MAOB: variants seen among roughly 807,000 people sequenced by gnomAD.
MAOB encodes the protein amine oxidase [flavin-containing] B.
MAOB carries 15 observed loss-of-function variants against 41.9 expected under a neutral mutation model. The ratio of observed to expected loss-of-function variants is 0.36; its 90% CI spans 0.24 to 0.55. MAOB has a LOEUF of 0.55. Ranked by LOEUF, MAOB falls within the 20% of genes least tolerant of loss-of-function variation. The probability of loss-of-function intolerance (pLI) is 0.86; values close to 1 mark genes in which losing one functional copy is unlikely to be tolerated. For synonymous variants in MAOB, 167 were observed against 144.2 expected (o/e 1.16, Z -1.13); for missense variants, 345 against 398.7 (o/e 0.87, Z 1.15).
intron 1 of MAOB, among the ~76,000 whole-genome samples, chrX:43,862,095 T>C (rs1331880155): frequency 8.9e-6 from 1 of 111,838 alleles, no homozygotes; most frequent in Non-Finnish European, 1.9e-5. Context: ...GTAAATCCTT[T>C]GCCAACTCAA....
chrX:43,768,570 G>A (rs951709415), intron 14 of MAOB, 84 bp downstream of exon 14: 9 of 755,508 alleles, frequency 1.2e-5, no homozygotes, highest in South Asian at 9.3e-5. Context: ...GAAAAGGTAT[G>A]TGAATATATA....
chrX:43,776,744 A>G (rs1414317792), intron 11 of MAOB, among the ~76,000 whole-genome samples: 7 of 95,431 alleles, frequency 7.3e-5, no homozygotes, highest in Non-Finnish European at 1.5e-4. Flanking sequence ...ATATCTCCAA[A>G]TGCTATCCCT....
At chrX:43,862,723 G>A (rs2035340657) in intron 1 of MAOB, among the ~76,000 whole-genome samples, 1 of 111,560 alleles carries the variant, frequency 9.0e-6, no homozygotes, top group Non-Finnish European at 1.9e-5. Flanking sequence ...GGCTCTTAAA[G>A]GCAGAGAATG....
At chrX:43,787,391 A>G (rs911864856) in intron 8 of MAOB, among the ~76,000 whole-genome samples, 3 of 111,504 alleles carry the variant, frequency 2.7e-5, no homozygotes, top group African/African-American at 6.6e-5. Context: ...ACCTGACATA[A>G]TATATAACAT....
At chrX:43,797,343 A>C in intron 5 of MAOB, 77 bp from the exon 6 acceptor site, 1 of 836,585 alleles carries the variant, frequency 1.2e-6, no homozygotes, top group Non-Finnish European at 1.6e-6. Context: ...TTATTTAAGT[A>C]ACACATTTTC....
chrX:43,785,770 G>A (rs1356668645), intron 8 of MAOB, among the ~76,000 whole-genome samples: 1 of 111,780 alleles, frequency 8.9e-6, no homozygotes, highest in Non-Finnish European at 1.9e-5. Flanking sequence ...AAGATGGGGA[G>A]ATCTGGGGGA....
At chrX:43,860,734 T>C (rs2035326238) in intron 1 of MAOB, among the ~76,000 whole-genome samples, 2 of 111,448 alleles carry the variant, frequency 1.8e-5, no homozygotes, top group Non-Finnish European at 3.8e-5. Context: ...TCCCACCCTG[T>C]AACTTACCTT....
intron 12 of MAOB, 118 bp downstream of exon 12, chrX:43,775,057 T>G (rs1015914049): frequency 1.9e-5 from 9 of 477,725 alleles, no homozygotes; most frequent in East Asian, 9.8e-5. Flanking sequence ...ATTGGGTTGT[T>G]TTTTTTTTTT....
chrX:43,781,572 T>C (rs180900452), intron 8 of MAOB, 28 bp from the exon 9 acceptor site: 3 of 810,589 alleles, frequency 3.7e-6, no homozygotes, highest in Middle Eastern at 5.8e-4. Context: ...TGGAAGAGCA[T>C]ATTCATCACT....
At chrX:43,803,206 A>G (rs900549380) in intron 4 of MAOB, 94 bp downstream of exon 4, 39 of 750,328 alleles carry the variant, frequency 5.2e-5, no homozygotes, top group African/African-American at 6.7e-5. Flanking sequence ...TGTGTTCACA[A>G]TGTGCTAGGT....
intron 3 of MAOB, among the ~76,000 whole-genome samples, chrX:43,804,372 T>A (rs755803561): frequency 1.1e-4 from 12 of 111,094 alleles, no homozygotes; most frequent in South Asian, 3.8e-4. Flanking sequence ...AACAAGGCCA[T>A]AAGATTCTCA....
chrX:43,785,730 G>T lies in MAOB; in HGVS notation c.929-4186C>A, dbSNP rs181625496. On this transcript the variant is annotated intron_variant, in intron 8 of 14. Transcript: ENST00000378069. ...CATTCATTGGCCTTATTTCATTACT[G>T]TTGTGTCCCAGGGAACAGAGATACC... Among the ~76,000 whole-genome samples, 555 of 111,866 alleles carry T rather than the reference G, an allele frequency of 5.0e-3. 2 individuals are homozygous for T. Among genetic ancestry groups the T allele is most frequent in the Non-Finnish European group, 8.2e-3 (438 of 53,207 alleles).
intron 3 of MAOB, among the ~76,000 whole-genome samples, chrX:43,837,642 T>C (rs1227724642): frequency 8.9e-6 from 1 of 112,946 alleles, no homozygotes; most frequent in Non-Finnish European, 1.9e-5. Flanking sequence ...TTTGTTTCGA[T>C]ATTATCACTC....
intron 8 of MAOB, among the ~76,000 whole-genome samples, chrX:43,788,416 C>T (rs2092042): frequency 0.02 from 2,248 of 111,791 alleles, 62 homozygotes; most frequent in South Asian, 0.19. Context: ...TGTGAGAGGA[C>T]AGACCCTAAC....
chrX:43,781,186 C>A (rs2034327275), intron 9 of MAOB, among the ~76,000 whole-genome samples: 1 of 111,548 alleles, frequency 9.0e-6, no homozygotes, highest in Non-Finnish European at 1.9e-5. Flanking sequence ...AATATGTCTA[C>A]CCCCAACACT....
intron 1 of MAOB, among the ~76,000 whole-genome samples, chrX:43,851,490 A>G (rs73473882): frequency 0.034 from 3,759 of 111,767 alleles, 143 homozygotes; most frequent in South Asian, 0.16. Flanking sequence ...ATTCTAAAAT[A>G]CCATGATCAT....
chrX:43,839,977 A>G (rs761458751), intron 2 of MAOB, among the ~76,000 whole-genome samples: 3 of 112,262 alleles, frequency 2.7e-5, no homozygotes, highest in Non-Finnish European at 5.6e-5. Flanking sequence ...TGGTATTAAC[A>G]CAGAAGAAAG....
At chrX:43,797,599 A>C in intron 5 of MAOB, among the ~76,000 whole-genome samples, 1 of 111,602 alleles carries the variant, frequency 9.0e-6, no homozygotes, top group Middle Eastern at 4.7e-3. Context: ...AAAAACCAAC[A>C]CTCTAGAAAT....
chrX:43,871,078 T>C (rs929582015), intron 1 of MAOB, among the ~76,000 whole-genome samples: 2 of 111,518 alleles, frequency 1.8e-5, no homozygotes, highest in South Asian at 7.6e-4. Flanking sequence ...AACTGAGAGA[T>C]GCAAGCACAA....
Sources: allele counts gnomAD v4.1 joint callset (sites outside exome capture counted in the v4.1 genomes callset), GRCh38; gene constraint gnomAD v4.1.1; transcripts MANE v1.5; gene names NCBI Gene and HGNC (gene_info 2026-07-23, HGNC 2026-07-21).